The following HYAL4 variants were observed in gnomAD, a reference collection of about 807,000 sequenced individuals.
HYAL4 encodes the protein hyaluronidase-4.
A neutral mutation model predicts 35.2 loss-of-function variants in HYAL4; 37 were observed. The ratio of observed to expected loss-of-function variants is 1.05; its 90% CI spans 0.81 to 1.38. The LOEUF is 1.38. HYAL4 is among the 40% of genes most tolerant of loss of function. HYAL4 has a pLI of 0.00. For missense variants in HYAL4, 572 were observed against 572.4 expected (o/e 1.00, Z 0.01); for synonymous variants, 198 against 203.2 (o/e 0.97, Z 0.22).
In HYAL4 at chr7:123,874,806, G is replaced by A. The variant is rs774788379; in HGVS notation, c.1000G>A (p.Ala334Thr). The change falls in exon 4 of 5, where the codon GCA (alanine) becomes ACA (threonine). Residue 334 changes from alanine to threonine, a missense_variant. By Grantham distance (58) the Ala-to-Thr change is moderately conservative (BLOSUM62 0). Coordinates refer to ENST00000223026, the MANE Select transcript of HYAL4 (RefSeq NM_012269.3). The stretch of plus-strand genomic sequence containing the variant: ...AGGAGAAAGTGCTGCCTTGGGAGCT[G>A]CAGGCATTGTTATTTGGGGAGACAT... ...TIGESAALGA[A>T]GIVIWGDMNL... The A allele has an allele frequency of 2.0e-5, 33 of 1,610,044 alleles. No homozygotes were observed. The highest frequency in any genetic ancestry group is 2.8e-5 in the Non-Finnish European group (33 of 1,176,242).
intron 2 of HYAL4, among the ~76,000 whole-genome samples, chr7:123,866,992 T>C (rs1349045252): frequency 1.3e-5 from 2 of 152,204 alleles, no homozygotes; most frequent in Non-Finnish European, 2.9e-5. Flanking sequence ...GGTTTCCCCA[T>C]GTTGGCCAGG....
the HYAL4 span, among the ~76,000 whole-genome samples, chr7:123,765,031 CA>C: frequency 6.6e-6 from 1 of 152,078 alleles, no homozygotes; most frequent in African/African-American, 2.4e-5. Flanking sequence ...ATTTCTATTA[CA>C]AAAAAATGCA....
At position 123,839,273 on chromosome 7, in the gene HYAL4, G is replaced by T. The variant is rs545956152; in HGVS notation, c.-256-4972G>T. On this transcript the variant is annotated intron_variant, in intron 1 of 4. Coordinates refer to the HYAL4 transcript ENST00000489978. ...ATCCCTGTGATAGTTTGCTGAGATT[G>T]ATGGTTTCTGGCTTCATCCATGTCC... 2.6e-5 allele frequency among the ~76,000 whole-genome samples: 4 copies of T among 152,250 alleles called. No individual in the cohort carries two copies. In the East Asian group the frequency reaches 7.7e-4, roughly 29 times the overall value.
the HYAL4 span, among the ~76,000 whole-genome samples, chr7:123,813,220 C>G: frequency 5.3e-5 from 8 of 151,708 alleles, no homozygotes; most frequent in Non-Finnish European, 7.4e-5. Flanking sequence ...AAATAAATTC[C>G]TTTATTTAAA....
the HYAL4 span, among the ~76,000 whole-genome samples, chr7:123,815,772 A>G: frequency 6.6e-6 from 1 of 152,216 alleles, no homozygotes. Context: ...ATCTCCATCT[A>G]TACCTGAGAG....
At chr7:123,766,927 G>A in the HYAL4 span, among the ~76,000 whole-genome samples, 1 of 152,036 alleles carries the variant, frequency 6.6e-6, no homozygotes, top group African/African-American at 2.4e-5. Context: ...CCTTCATGAT[G>A]TTTGCCATAT....
intron 2 of HYAL4, among the ~76,000 whole-genome samples, chr7:123,865,239 C>CT (rs1373632424): frequency 6.6e-6 from 1 of 151,830 alleles, no homozygotes; most frequent in Admixed American, 6.6e-5. Context: ...GTAGATTTTT[C>CT]TTTTTTTGGT....
chr7:123,813,783 T>C, the HYAL4 span, among the ~76,000 whole-genome samples: 10 of 152,224 alleles, frequency 6.6e-5, no homozygotes, highest in Admixed American at 5.9e-4. Context: ...TAAGGAGATA[T>C]GACAATCCAT....
chr7:123,869,116 G>T lies in HYAL4; in HGVS notation c.843G>T (p.Arg281=), dbSNP rs143498306. The stretch of plus-strand genomic sequence containing the variant: ...ACATTTTGCGCTTCTCCAAATTTCG[G>T]GTGCATGAATCCATGAGGATCTCCA... ...SENILRFSKF[R]VHESMRISTM... The change falls in exon 3 of 5, where the codon CGG becomes CGT. Residue 281 remains arginine, a synonymous_variant. Coordinates refer to ENST00000223026, the MANE Select transcript of HYAL4 (RefSeq NM_012269.3). 1 of 1,613,998 alleles carries T rather than the reference G, an allele frequency of 6.2e-7. No homozygotes were observed. Among genetic ancestry groups the T allele is most frequent in the African/African-American group, 1.3e-5 (1 of 74,992 alleles).
At chr7:123,796,287 C>G in the HYAL4 span, among the ~76,000 whole-genome samples, 2 of 152,118 alleles carry the variant, frequency 1.3e-5, no homozygotes, top group African/African-American at 4.8e-5. Context: ...TGAGACAATT[C>G]CTTCTGTCAC....
chr7:123,876,227 C>A, intron 4 of HYAL4: 1 of 330,930 alleles, frequency 3.0e-6, no homozygotes, highest in South Asian at 2.4e-5. Context: ...ACAGGAAAAT[C>A]CAGAAGGCTA....
chr7:123,863,817 G>T (rs887593643), intron 2 of HYAL4, among the ~76,000 whole-genome samples: 3 of 152,126 alleles, frequency 2.0e-5, no homozygotes, highest in Non-Finnish European at 4.4e-5. Context: ...GTTTCTGAAT[G>T]CCAAGGGTTG....
chr7:123,843,002 A>T (rs1019213433), upstream of HYAL4, among the ~76,000 whole-genome samples: 1 of 151,912 alleles, frequency 6.6e-6, no homozygotes, highest in Non-Finnish European at 1.5e-5. Context: ...ATTTACATTT[A>T]AGGTTAATAT....
chr7:123,833,700 T>G (rs997617671), intron 1 of HYAL4, among the ~76,000 whole-genome samples: 5 of 152,226 alleles, frequency 3.3e-5, no homozygotes, highest in Admixed American at 3.3e-4. Flanking sequence ...TCTTCTGGAA[T>G]TTTTATAGTT....
the HYAL4 span, among the ~76,000 whole-genome samples, chr7:123,790,356 CAGAG>C: frequency 2.0e-5 from 3 of 152,204 alleles, no homozygotes; most frequent in African/African-American, 7.2e-5. Context: ...ATCTGAGGCA[CAGAG>C]AGATTAATAA....
At chr7:123,828,903 A>G (rs1805839957), upstream of HYAL4, 1 of 152,602 alleles carries the variant, frequency 6.6e-6, no homozygotes, top group African/African-American at 2.4e-5. Flanking sequence ...TACTGCCTGG[A>G]TTATGGAATC....
At chr7:123,782,798 A>G in the HYAL4 span, among the ~76,000 whole-genome samples, 2 of 152,136 alleles carry the variant, frequency 1.3e-5, no homozygotes, top group African/African-American at 4.8e-5. Context: ...CATATAATAA[A>G]TGTTTTTAAC....
At chr7:123,837,739 A>G (rs1453819792) in intron 1 of HYAL4, among the ~76,000 whole-genome samples, 3 of 134,570 alleles carry the variant, frequency 2.2e-5, no homozygotes, top group African/African-American at 8.6e-5. Flanking sequence ...TCATTGTTCA[A>G]TTCCCACCTA....
intron 1 of HYAL4, among the ~76,000 whole-genome samples, chr7:123,838,509 G>A (rs900566589): frequency 3.3e-5 from 5 of 151,694 alleles, no homozygotes; most frequent in Non-Finnish European, 2.9e-5. Flanking sequence ...TATAGTTTTT[G>A]TATGGCTTTT....
Sources: gnomAD v4.1 joint callset for allele counts (sites outside exome capture counted in the v4.1 genomes callset) on GRCh38, gnomAD v4.1.1 for gene constraint, MANE v1.5 for transcripts, NCBI Gene and HGNC (gene_info 2026-07-23, HGNC 2026-07-21) for gene names.